PDE1A: variants seen among roughly 807,000 people sequenced by gnomAD.
PDE1A encodes phosphodiesterase 1A, also known as dual specificity calcium/calmodulin-dependent 3',5'-cyclic nucleotide phosphodiesterase 1A.
A neutral mutation model predicts 61.7 loss-of-function variants in PDE1A; 35 were observed. That is an observed-to-expected ratio of 0.57 (90% CI 0.43 to 0.75). The LOEUF is 0.75. Among genes scored for constraint, PDE1A ranks in the 30% least tolerant of loss-of-function variants. The pLI, the probability that PDE1A is intolerant of heterozygous loss-of-function variation, is 0.00. For missense variants in PDE1A, 597 were observed against 630.6 expected, an observed-to-expected ratio of 0.95 and a Z score of 0.57; for synonymous variants, 232 against 213.2, an observed-to-expected ratio of 1.09 and a Z score of -0.77.
chr2:182,486,452 A>G (rs1276858991), intron 2 of PDE1A, among the ~76,000 whole-genome samples: 1 of 152,086 alleles, frequency 6.6e-6, no homozygotes, highest in Non-Finnish European at 1.5e-5. Flanking sequence ...ATATGCTTCT[A>G]AACTTGAGAG....
the PDE1A span, among the ~76,000 whole-genome samples, chr2:182,690,755 T>G: frequency 6.6e-6 from 1 of 152,222 alleles, no homozygotes; most frequent in East Asian, 1.9e-4. Context: ...TGTCTGCAGA[T>G]GACATGATTG....
At chr2:182,651,614 G>T in the PDE1A span, among the ~76,000 whole-genome samples, 1 of 152,088 alleles carries the variant, frequency 6.6e-6, no homozygotes, top group Non-Finnish European at 1.5e-5. Flanking sequence ...TTCATCTTTT[G>T]TGTGCACTTT....
At chr2:182,550,860 A>G in the PDE1A span, among the ~76,000 whole-genome samples, 2 of 152,224 alleles carry the variant, frequency 1.3e-5, no homozygotes, top group East Asian at 3.9e-4. Flanking sequence ...CAAATGGAGG[A>G]AAAAGGAGCA....
At chr2:182,158,739 C>T (rs991885132) in intron 13 of PDE1A, among the ~76,000 whole-genome samples, 2 of 152,168 alleles carry the variant, frequency 1.3e-5, no homozygotes, top group Non-Finnish European at 2.9e-5. Context: ...TTGAAGATGA[C>T]ACTGTAATAC....
At chr2:182,373,313 G>A (rs1233925530) in intron 1 of PDE1A, among the ~76,000 whole-genome samples, 1 of 152,178 alleles carries the variant, frequency 6.6e-6, no homozygotes, top group Non-Finnish European at 1.5e-5. Flanking sequence ...CAATAAAATG[G>A]TGGAAGGCAA....
At chr2:182,428,114 C>T (rs540726254), upstream of PDE1A, among the ~76,000 whole-genome samples, 1 of 152,164 alleles carries the variant, frequency 6.6e-6, no homozygotes, top group Admixed American at 6.5e-5. Flanking sequence ...CTAATCCAAA[C>T]TAGGAAATGT....
At chr2:182,270,420 A>G (rs1354891131) in intron 1 of PDE1A, among the ~76,000 whole-genome samples, 1 of 152,050 alleles carries the variant, frequency 6.6e-6, no homozygotes, top group African/African-American at 2.4e-5. Context: ...ACATAACCCA[A>G]TCTTGCAGAA....
At chr2:182,241,091 G>C (rs1268783882) in intron 2 of PDE1A, among the ~76,000 whole-genome samples, 3 of 152,166 alleles carry the variant, frequency 2.0e-5, no homozygotes, top group Non-Finnish European at 4.4e-5. Context: ...GGACTGCTGA[G>C]TAATAACAGC....
At chr2:182,542,861 G>A in the PDE1A span, among the ~76,000 whole-genome samples, 4 of 152,170 alleles carry the variant, frequency 2.6e-5, no homozygotes, top group East Asian at 1.9e-4. Flanking sequence ...GGGAAATCAC[G>A]TTAATGAAAA....
In PDE1A at chr2:182,201,379, T is replaced by C; in HGVS notation, c.1125+60A>G. 3.8e-6 allele frequency: 6 copies of C among 1,586,298 alleles called. No individual in the cohort carries two copies. The South Asian group carries it at 5.7e-5, about 15-fold the overall frequency. On this transcript the variant is annotated intron_variant, in intron 10 of 13. Coordinates refer to ENST00000351439, the Ensembl canonical transcript of PDE1A. ...CCCTGGATTCCATACAGAAAAGGTG[T>C]ACGCTAATATGCACAGTCACTATTT... is the stretch of plus-strand genomic sequence containing the variant.
rs3820962 is a variant in PDE1A, at chr2:182,194,112, G to T, written c.1126-5052C>A. Among the ~76,000 whole-genome samples the T allele has an allele frequency of 0.013, 1,971 of 151,726 alleles. 144 individuals are homozygous for T. The East Asian group carries it at 0.21, about 16-fold the overall frequency. ...ATTTCTAATTATTTTTTTCTTCTTG[G>T]CTAACAAGGTAATAATGATTAATAA... is the stretch of plus-strand genomic sequence containing the variant. On this transcript the variant is annotated intron_variant, in intron 10 of 13. Coordinates refer to ENST00000351439, the Ensembl canonical transcript of PDE1A.
At chr2:182,230,758 G>T (rs1463122687) in intron 5 of PDE1A, among the ~76,000 whole-genome samples, 1 of 152,110 alleles carries the variant, frequency 6.6e-6, no homozygotes, top group Non-Finnish European at 1.5e-5. Flanking sequence ...TGAGTGTTTT[G>T]TGAATAAGTC....
the PDE1A span, among the ~76,000 whole-genome samples, chr2:182,695,947 G>A: frequency 6.6e-6 from 1 of 152,144 alleles, no homozygotes; most frequent in Non-Finnish European, 1.5e-5. Context: ...CCAAAATCCA[G>A]AACACTGACA....
At chr2:182,194,033 G>A (rs1196486122) in intron 10 of PDE1A, among the ~76,000 whole-genome samples, 14 of 152,106 alleles carry the variant, frequency 9.2e-5, no homozygotes, top group South Asian at 4.1e-4. Flanking sequence ...AGGCCTGACT[G>A]TATACAATTC....
chr2:182,420,126 A>G (rs1369815408), intron 1 of PDE1A, among the ~76,000 whole-genome samples: 1 of 152,112 alleles, frequency 6.6e-6, no homozygotes, highest in African/African-American at 2.4e-5. Flanking sequence ...GCTGTTAGAA[A>G]TAATAATTGG....
intron 2 of PDE1A, among the ~76,000 whole-genome samples, chr2:182,455,151 A>G (rs1685819374): frequency 6.6e-6 from 1 of 152,088 alleles, no homozygotes; most frequent in African/African-American, 2.4e-5. Context: ...AAAACACATG[A>G]AAAAATGCTC....
At chr2:182,713,922 T>C in the PDE1A span, among the ~76,000 whole-genome samples, 1 of 152,154 alleles carries the variant, frequency 6.6e-6, no homozygotes, top group Non-Finnish European at 1.5e-5. Flanking sequence ...CAATCTAACT[T>C]CCAGCCTTAC....
chr2:182,209,635 C>T (rs1559188660), intron 7 of PDE1A, among the ~76,000 whole-genome samples: 1 of 151,788 alleles, frequency 6.6e-6, no homozygotes, highest in African/African-American at 2.4e-5. Context: ...GAGTATCCCG[C>T]TTGCTGTTCT....
intron 1 of PDE1A, among the ~76,000 whole-genome samples, chr2:182,318,341 T>C (rs1696478471): frequency 6.6e-6 from 1 of 152,138 alleles, no homozygotes. Context: ...CTGACCCCAG[T>C]TGTCCCCTAC....
Sources: allele counts gnomAD v4.1 joint callset (sites outside exome capture counted in the v4.1 genomes callset), GRCh38; gene constraint gnomAD v4.1.1; transcripts MANE v1.5; gene names NCBI Gene and HGNC (gene_info 2026-07-23, HGNC 2026-07-21).